ITGA6: variants seen among roughly 807,000 people sequenced by gnomAD.
ITGA6 encodes the protein integrin subunit alpha 6.
A neutral mutation model predicts 133.6 loss-of-function variants in ITGA6; 63 were observed. The ratio of observed to expected loss-of-function variants is 0.47; its 90% confidence interval spans 0.38 to 0.58. The LOEUF (loss-of-function observed/expected upper bound fraction) is 0.58, where lower values mean the gene tolerates loss of function less well. ITGA6 is among the 20% of genes least tolerant of loss of function. ITGA6 has a pLI of 0.00. For missense variants in ITGA6, 1,068 were observed against 1,309.4 expected (o/e 0.82, Z 2.85); for synonymous variants, 434 against 482.0 (o/e 0.90, Z 1.30).
chr2:172,477,213 G>C (rs1686215640), intron 9 of ITGA6, among the ~76,000 whole-genome samples: 1 of 151,878 alleles, frequency 6.6e-6, no homozygotes, highest in South Asian at 2.1e-4. Context: ...ATTGATATAT[G>C]TGCTTCAAGA....
intron 23 of ITGA6, among the ~76,000 whole-genome samples, chr2:172,492,553 T>A (rs1686967846): frequency 6.6e-6 from 1 of 152,224 alleles, no homozygotes; most frequent in Non-Finnish European, 1.5e-5. Flanking sequence ...GTTCTCTATG[T>A]CTTCATCCAG....
intron 25 of ITGA6, 146 bp downstream of exon 25, chr2:172,502,047 T>C (rs1190992042): frequency 2.7e-6 from 2 of 729,018 alleles, no homozygotes; most frequent in Non-Finnish European, 4.4e-6. Context: ...GGATTTGTTT[T>C]ATTTTATTTC....
At chr2:172,438,804 G>A (rs1574318553) in intron 1 of ITGA6, among the ~76,000 whole-genome samples, 1 of 151,848 alleles carries the variant, frequency 6.6e-6, no homozygotes, top group Non-Finnish European at 1.5e-5. Context: ...TTGGGGGCCA[G>A]GTCAAAGGTT....
At chr2:172,467,424 G>T in intron 2 of ITGA6, 57 bp from the exon 3 acceptor site, 1 of 1,348,504 alleles carries the variant, frequency 7.4e-7, no homozygotes, top group Non-Finnish European at 1.1e-6. Context: ...TTTTTGTTCA[G>T]TGATGGTTTC....
chr2:172,476,934 A>C (rs745419606), intron 9 of ITGA6, among the ~76,000 whole-genome samples: 21 of 152,314 alleles, frequency 1.4e-4, no homozygotes, highest in Non-Finnish European at 3.1e-4. Context: ...AATTGTGCAT[A>C]ATTTTGTAAC....
intron 1 of ITGA6, among the ~76,000 whole-genome samples, chr2:172,430,991 TAGA>T (rs1413812527): frequency 1.3e-5 from 2 of 152,176 alleles, no homozygotes; most frequent in African/African-American, 4.8e-5. Flanking sequence ...GGGAAGAACC[TAGA>T]AGAAGGAGAT....
At chr2:172,474,552 C>T (rs563280072) in intron 6 of ITGA6, among the ~76,000 whole-genome samples, 1 of 152,152 alleles carries the variant, frequency 6.6e-6, no homozygotes, top group African/African-American at 2.4e-5. Context: ...AAAACACTTG[C>T]ATGATTCTGT....
Position 172,467,485 on chromosome 2 carries a change from C to T in ITGA6, c.312C>T (p.Asp104=), listed in dbSNP as rs141735531. ...TAACTATGCTCCTTTCTACAGCTGACCCCACGTCAGAAAGCAAGGAAGATC... is the reference window on the plus strand; with the variant it reads ...TAACTATGCTCCTTTCTACAGCTGATCCCACGTCAGAAAGCAAGGAAGATC... ...CTRIEFDNDA[D]PTSESKEDQW... Residue 104 remains aspartate (D), a synonymous_variant, in exon 3 of 26, where the codon GAC becomes GAT. Transcript: ENST00000684293. The T allele has an allele frequency of 3.4e-5, 55 of 1,612,854 alleles. No individual in the cohort carries two copies. The highest frequency in any genetic ancestry group is 4.5e-5 in the East Asian group (2 of 44,868).
At chr2:172,473,947 G>A (rs559379907) in intron 5 of ITGA6, 108 bp from the exon 6 acceptor site, 1 of 710,064 alleles carries the variant, frequency 1.4e-6, no homozygotes, top group East Asian at 2.7e-5. Flanking sequence ...GGGTCAAGAG[G>A]AGAGAGGGGT....
rs772334241 is a variant in ITGA6 at position 172,487,024 on chromosome 2, T to G, written c.1856T>G (p.Val619Gly). 1.3e-6 allele frequency: 2 copies of G among 1,579,846 alleles called. No individual in the cohort carries two copies. Among genetic ancestry groups the G allele is most frequent in the East Asian group, 4.5e-5 (2 of 44,690 alleles). ...ACAATAGTTTTCGTTTTCCTACAGG[T>G]TCACTTCTTAAAAGAGGGATGTGGA... is the stretch of plus-strand genomic sequence containing the variant. ...SDEPKTAHID[V>G]HFLKEGCGDD... is the part of the protein sequence containing the mutation. Residue 619 changes from valine to glycine, a missense_variant and splice_region_variant, in exon 14 of 26, where the codon GTT becomes GGT. This residue lies in a region of ITGA6 where 609 missense variants were observed against 707.2 expected (regional missense o/e 0.86). Transcript: ENST00000684293.
Position 172,457,676 on chromosome 2 carries a change from A to G in ITGA6, c.183-7863A>G, listed in dbSNP as rs796427859. 9.2e-5 allele frequency among the ~76,000 whole-genome samples: 14 copies of G among 152,344 alleles called. 1 individual carries two copies. Among genetic ancestry groups the G allele is most frequent in the African/African-American group, 3.4e-4 (14 of 41,584 alleles). On this transcript the variant is annotated intron_variant, in intron 1 of 25. Transcript: ENST00000684293. ...CCCCGTTATATTCATTTATTTAGGCATACATAGTATGTGAGGAGTGGTAGT... is the reference window on the plus strand; with the variant it reads ...CCCCGTTATATTCATTTATTTAGGCGTACATAGTATGTGAGGAGTGGTAGT...
chr2:172,479,796 A>G, intron 10 of ITGA6, 57 bp downstream of exon 10: 1 of 1,464,246 alleles, frequency 6.8e-7, no homozygotes, highest in South Asian at 1.1e-5. Context: ...CCACTTCATG[A>G]TGACTCTATT....
At chr2:172,428,067 TTGGCCCGTGG>T in intron 1 of ITGA6, 97 bp downstream of exon 1, 1 of 1,335,646 alleles carries the variant, frequency 7.5e-7, no homozygotes, top group Non-Finnish European at 9.9e-7. Flanking sequence ...CGGGGAGTAG[TTGGCCCGTGG>T]GTCGCGCCCG....
At chr2:172,436,011 G>T (rs1489129647) in intron 1 of ITGA6, among the ~76,000 whole-genome samples, 1 of 152,150 alleles carries the variant, frequency 6.6e-6, no homozygotes, top group Admixed American at 6.5e-5. Flanking sequence ...TTAGGAAAGG[G>T]ATATTATTAA....
At chr2:172,481,741 AGCTGTG>A (rs1176885862) in intron 11 of ITGA6, among the ~76,000 whole-genome samples, 1 of 152,094 alleles carries the variant, frequency 6.6e-6, no homozygotes, top group Non-Finnish European at 1.5e-5. Context: ...GCACAGGGGG[AGCTGTG>A]GCCTTTTGCT....
chr2:172,481,631 G>A (rs11896937), intron 11 of ITGA6, among the ~76,000 whole-genome samples: 21,447 of 151,972 alleles, frequency 0.14, 1,655 homozygotes, highest in South Asian at 0.17. Flanking sequence ...TGGTTTCTCC[G>A]TCTCCCCTTC....
chr2:172,467,522 G>T lies in ITGA6; in HGVS notation c.349G>T (p.Val117Phe), dbSNP rs1451454296. The T allele has an allele frequency of 1.2e-6, 2 of 1,613,840 alleles. No homozygotes were observed. The highest frequency in any genetic ancestry group is 1.7e-6 in the Non-Finnish European group (2 of 1,179,802). Residue 117 changes from valine to phenylalanine, a missense_variant, in exon 3 of 26, where the codon GTC (valine) becomes TTC (phenylalanine). Val to Phe is a conservative substitution (Grantham distance 50). Around this residue, in one of 3 missense-constraint regions of ITGA6, gnomAD observed 317 missense variants for 456.9 expected, o/e 0.69. Coordinates refer to ENST00000684293, the MANE Select transcript of ITGA6 (RefSeq NM_000210.4). ...AAGCAAGGAAGATCAGTGGATGGGG[G>T]TCACCGTCCAGAGCCAAGGTCCAGG... ...SESKEDQWMG[V>F]TVQSQGPGGK...
chr2:172,500,362 C>T (rs756493528), intron 24 of ITGA6, among the ~76,000 whole-genome samples: 1 of 152,148 alleles, frequency 6.6e-6, no homozygotes, highest in Non-Finnish European at 1.5e-5. Context: ...CCTGTAATCC[C>T]AGCACTTTGG....
chr2:172,470,593 AC>A (rs1235805721), intron 4 of ITGA6, among the ~76,000 whole-genome samples: 1 of 152,230 alleles, frequency 6.6e-6, no homozygotes, highest in African/African-American at 2.4e-5. Flanking sequence ...TCACTTTTAC[AC>A]TGCAAAAAAA....
Sources: allele counts gnomAD v4.1 joint callset (sites outside exome capture counted in the v4.1 genomes callset), GRCh38; gene constraint gnomAD v4.1.1; regional missense constraint gnomAD v4.1.1; transcripts MANE v1.5; gene names NCBI Gene and HGNC (gene_info 2026-07-23, HGNC 2026-07-21).